Variants in XYLT1 observed in about 807,000 individuals in gnomAD.
The protein encoded by XYLT1 is xylosyltransferase 1.
Under a neutral mutation model 91.3 loss-of-function variants are expected in XYLT1, and 36 were observed. The ratio of observed to expected loss-of-function variants is 0.39; its 90% CI spans 0.30 to 0.52. The LOEUF is 0.52. Among genes scored for constraint, XYLT1 ranks in the 20% least tolerant of loss-of-function variants. The pLI is 0.68. For synonymous variants in XYLT1, 588 were observed against 532.0 expected (o/e 1.11, Z -1.45); for missense variants, 1,242 against 1,284.5 (o/e 0.97, Z 0.51).
At chr16:17,161,457 G>A (rs761490781) in intron 5 of XYLT1, among the ~76,000 whole-genome samples, 9 of 152,082 alleles carry the variant, frequency 5.9e-5, no homozygotes, top group Admixed American at 3.9e-4. Flanking sequence ...CTAGGGTCTC[G>A]GGCCCCTCGC....
At chr16:17,126,021 T>C (rs1308819102) in intron 10 of XYLT1, among the ~76,000 whole-genome samples, 1 of 152,238 alleles carries the variant, frequency 6.6e-6, no homozygotes, top group Non-Finnish European at 1.5e-5. Context: ...ACCAAGGAGA[T>C]CCTAAATAGC....
chr16:17,461,786 C>T (rs905873920), intron 1 of XYLT1, among the ~76,000 whole-genome samples: 8 of 152,158 alleles, frequency 5.3e-5, no homozygotes, highest in Non-Finnish European at 1.2e-4. Flanking sequence ...GGAGACACCA[C>T]CCAACTTCAA....
At chr16:17,363,334 T>C (rs937617040) in intron 1 of XYLT1, among the ~76,000 whole-genome samples, 1 of 152,248 alleles carries the variant, frequency 6.6e-6, no homozygotes, top group Non-Finnish European at 1.5e-5. Flanking sequence ...AGGGCTGCTA[T>C]AATAATACAC....
At chr16:17,217,983 T>G (rs1452494924) in intron 3 of XYLT1, among the ~76,000 whole-genome samples, 3 of 150,644 alleles carry the variant, frequency 2.0e-5, no homozygotes, top group South Asian at 2.1e-4. Context: ...CAAAAAACGT[T>G]GGGGGTCCAG....
At chr16:17,160,841 C>A (rs909482179) in intron 5 of XYLT1, among the ~76,000 whole-genome samples, 2 of 152,120 alleles carry the variant, frequency 1.3e-5, no homozygotes, top group Non-Finnish European at 2.9e-5. Flanking sequence ...GAAACTAAAT[C>A]GGCCTATAAA....
intron 1 of XYLT1, among the ~76,000 whole-genome samples, chr16:17,364,629 A>C (rs908348138): frequency 6.6e-6 from 1 of 152,152 alleles, no homozygotes; most frequent in Non-Finnish European, 1.5e-5. Context: ...AATTTAGCTA[A>C]TTCGTTTTGA....
At chr16:17,322,309 C>A (rs892799589) in intron 2 of XYLT1, among the ~76,000 whole-genome samples, 3 of 152,192 alleles carry the variant, frequency 2.0e-5, no homozygotes, top group Non-Finnish European at 2.9e-5. Context: ...CCTCACAGTA[C>A]CTACCAGGCA....
intron 1 of XYLT1, among the ~76,000 whole-genome samples, chr16:17,456,341 TTTTTTTTTTTTTTG>T (rs2141955210): frequency 6.9e-6 from 1 of 145,600 alleles, no homozygotes; most frequent in Non-Finnish European, 1.5e-5. Flanking sequence ...CCTTTTTTTT[TTTTTTTTTTTTTTG>T]GAGACAGGAT....
At chr16:17,327,598 G>A (rs962709275) in intron 2 of XYLT1, among the ~76,000 whole-genome samples, 3 of 110,488 alleles carry the variant, frequency 2.7e-5, no homozygotes, top group African/African-American at 6.8e-5. Context: ...TCCTGACCTC[G>A]TGATCCCGCC....
At chr16:17,327,902 T>C (rs1220780189) in intron 2 of XYLT1, among the ~76,000 whole-genome samples, 2 of 152,070 alleles carry the variant, frequency 1.3e-5, no homozygotes, top group East Asian at 3.9e-4. Context: ...AACTGGAGGA[T>C]AAGATCAGGT....
intron 1 of XYLT1, among the ~76,000 whole-genome samples, chr16:17,411,701 A>G (rs1321200807): frequency 6.6e-6 from 1 of 152,188 alleles, no homozygotes; most frequent in Non-Finnish European, 1.5e-5. Flanking sequence ...TTGTAGTTCA[A>G]CAAGAGCAGT....
At chr16:17,400,015 C>G (rs571661694) in intron 1 of XYLT1, among the ~76,000 whole-genome samples, 1 of 152,356 alleles carries the variant, frequency 6.6e-6, no homozygotes, top group Non-Finnish European at 1.5e-5. Flanking sequence ...GACTTCTTCT[C>G]CAACAGCAGC....
intron 2 of XYLT1, among the ~76,000 whole-genome samples, chr16:17,325,241 T>C (rs945442075): frequency 6.6e-6 from 1 of 151,982 alleles, no homozygotes; most frequent in Non-Finnish European, 1.5e-5. Flanking sequence ...CTACTAAAAA[T>C]ACAAAAAAAT....
At chr16:17,197,933 C>A (rs1358959950) in intron 5 of XYLT1, 8 of 500,954 alleles carry the variant, frequency 1.6e-5, no homozygotes, top group South Asian at 4.8e-5. Context: ...CTCTAGAGAA[C>A]CCTAATATAA....
chr16:17,453,644 CAG>C (rs1314995764), intron 1 of XYLT1, among the ~76,000 whole-genome samples: 1 of 152,192 alleles, frequency 6.6e-6, no homozygotes, highest in Non-Finnish European at 1.5e-5. Context: ...AGGGATATTT[CAG>C]CACAGAGTTT....
chr16:17,271,283 T>C (rs1596459180), intron 2 of XYLT1, among the ~76,000 whole-genome samples: 1 of 151,708 alleles, frequency 6.6e-6, no homozygotes, highest in East Asian at 1.9e-4. Flanking sequence ...ATGGCCACAA[T>C]ACCCAAAGAT....
chr16:17,217,798 G>A (rs988405304), intron 3 of XYLT1, among the ~76,000 whole-genome samples: 1 of 152,148 alleles, frequency 6.6e-6, no homozygotes, highest in African/African-American at 2.4e-5. Flanking sequence ...GTGATCTGAT[G>A]CAAACCAGGT....
intron 9 of XYLT1, among the ~76,000 whole-genome samples, chr16:17,133,894 G>A (rs1019826203): frequency 8.5e-5 from 13 of 152,140 alleles, no homozygotes; most frequent in Admixed American, 6.5e-5. Flanking sequence ...GATATTTTTA[G>A]GTGTGATGAC....
At chr16:17,123,989 CT>C (rs990493383) in intron 10 of XYLT1, among the ~76,000 whole-genome samples, 1 of 152,084 alleles carries the variant, frequency 6.6e-6, no homozygotes, top group East Asian at 1.9e-4. Flanking sequence ...CATGGAGTAT[CT>C]TTTTTCACCT....
Sources: allele counts gnomAD v4.1 joint callset (sites outside exome capture counted in the v4.1 genomes callset), GRCh38; gene constraint gnomAD v4.1.1; transcripts MANE v1.5; gene names NCBI Gene and HGNC (gene_info 2026-07-23, HGNC 2026-07-21).